Variants in HOXC4 observed in about 807,000 individuals in gnomAD.
HOXC4 encodes homeobox C4, also known as homeobox protein Hox-C4.
HOXC4 carries 15 observed loss-of-function variants against 25.5 expected under a neutral mutation model. The observed-to-expected ratio is 0.59, with a 90% confidence interval of 0.39 to 0.91. The LOEUF (loss-of-function observed/expected upper bound fraction) is 0.91, where lower values mean the gene tolerates loss of function less well. Ranked by LOEUF, HOXC4 falls within the 40% of genes least tolerant of loss-of-function variation. The pLI, the probability that HOXC4 is intolerant of heterozygous loss-of-function variation, is 0.00. For missense variants in HOXC4, 342 were observed against 352.4 expected, an observed-to-expected ratio of 0.97 and a Z score of 0.24; for synonymous variants, 165 against 148.0, an observed-to-expected ratio of 1.11 and a Z score of -0.83.
chr12:54,030,056 T>C (rs1160844379), intron 1 of HOXC4: 2 of 1,219,732 alleles, frequency 1.6e-6, no homozygotes, highest in African/African-American at 1.5e-5. Flanking sequence ...ACTGGCACAA[T>C]TGATGTGTTT....
At chr12:54,049,876 T>A (rs1475751155), upstream of HOXC4, among the ~76,000 whole-genome samples, 1 of 151,016 alleles carries the variant, frequency 6.6e-6, no homozygotes, top group Non-Finnish European at 1.5e-5. Context: ...CAAAGTGAAA[T>A]GAATTGCCTG....
intron 1 of HOXC4, among the ~76,000 whole-genome samples, chr12:54,041,894 C>T (rs982058708): frequency 6.6e-6 from 1 of 151,726 alleles, no homozygotes; most frequent in Non-Finnish European, 1.5e-5. Context: ...CCAGGCTGAC[C>T]TCAGGTAATC....
upstream of HOXC4, among the ~76,000 whole-genome samples, chr12:54,051,384 T>C (rs1458171553): frequency 6.6e-6 from 1 of 151,794 alleles, no homozygotes; most frequent in African/African-American, 2.4e-5. Flanking sequence ...TTTGCCCTCT[T>C]CCAGCAATTT....
At chr12:54,026,975 G>GT (rs1270257768) in intron 1 of HOXC4, among the ~76,000 whole-genome samples, 1 of 139,188 alleles carries the variant, frequency 7.2e-6, no homozygotes, top group Admixed American at 7.2e-5. Context: ...GGGGGGGGGG[G>GT]GATATGAGCT....
intron 1 of HOXC4, among the ~76,000 whole-genome samples, chr12:54,032,084 T>C (rs1295368242): frequency 1.3e-5 from 2 of 152,228 alleles, no homozygotes; most frequent in Admixed American, 6.5e-5. Context: ...ACCTCTGGCA[T>C]AGGTACCACA....
intron 1 of HOXC4, chr12:54,028,417 T>G (rs1940826895): frequency 7.9e-7 from 1 of 1,262,676 alleles, no homozygotes; most frequent in Admixed American, 2.4e-5. Flanking sequence ...TCATTTTGTC[T>G]GTCCTGGATT....
rs1177772375 is a variant in HOXC4 at position 54,054,972 on chromosome 12, G to A, written c.562G>A (p.Glu188Lys). Residue 188 changes from glutamate to lysine, a missense_variant, in exon 2 of 2, where the codon GAG becomes AAG. Transcript: ENST00000430889. The part of the protein sequence containing the change: ...NRYLTRRRRI[E>K]IAHSLCLSER... ...CTACCTGACCCGAAGGAGAAGGATC[G>A]AGATCGCCCACTCGCTGTGCCTCTC... is the stretch of plus-strand genomic sequence containing the variant. 1 of 1,613,948 alleles carries A rather than the reference G, an allele frequency of 6.2e-7. No individual in the cohort carries two copies. Among genetic ancestry groups the A allele is most frequent in the Non-Finnish European group, 8.5e-7 (1 of 1,180,026 alleles).
chr12:54,036,400 G>T (rs1016579608), intron 1 of HOXC4, among the ~76,000 whole-genome samples: 7 of 152,110 alleles, frequency 4.6e-5, no homozygotes, highest in African/African-American at 1.4e-4. Context: ...CTGGGGAGGG[G>T]CAGGGGAATA....
At chr12:54,025,815 A>G (rs1292544034) in intron 1 of HOXC4, among the ~76,000 whole-genome samples, 1 of 152,048 alleles carries the variant, frequency 6.6e-6, no homozygotes, top group African/African-American at 2.4e-5. Flanking sequence ...GAATCTCCCC[A>G]ACTTTGGGGC....
At chr12:54,033,917 G>T in intron 1 of HOXC4, 1 of 368,300 alleles carries the variant, frequency 2.7e-6, no homozygotes, top group South Asian at 2.1e-5. Flanking sequence ...AGCCGGCTCC[G>T]CCGGCGCTTG....
At chr12:54,035,680 G>A (rs570171412) in intron 1 of HOXC4, among the ~76,000 whole-genome samples, 17 of 152,164 alleles carry the variant, frequency 1.1e-4, no homozygotes, top group Non-Finnish European at 1.8e-4. Context: ...CCAAAGCTGC[G>A]GTGCAGGAAC....
intron 1 of HOXC4, chr12:54,034,265 G>T (rs1370060145): frequency 1.2e-6 from 2 of 1,610,918 alleles, no homozygotes; most frequent in African/African-American, 1.3e-5. Context: ...TTGGGGTGGG[G>T]TTTATGTTCC....
chr12:54,055,084 C>A lies in HOXC4; in HGVS notation c.674C>A (p.Ala225Glu), dbSNP rs751417748. The A allele has an allele frequency of 6.2e-6, 10 of 1,613,372 alleles. No individual in the cohort carries two copies. In the Admixed American group the frequency reaches 8.3e-5, roughly 13 times the overall value. Residue 225 changes from alanine to glutamate, a missense_variant, in exon 2 of 2, where the codon GCA (alanine) becomes GAA (glutamate). Coordinates refer to ENST00000430889, the MANE Select transcript of HOXC4 (RefSeq NM_153633.3). ...CTCCCCAACACCAAAGTCAGGTCAG[C>A]ACCCCCGGCCGGCGCTGCGCCCAGC... ...HRLPNTKVRS[A>E]PPAGAAPSTL...
chr12:54,052,159 G>GA (rs376061682), upstream of HOXC4, among the ~76,000 whole-genome samples: 213 of 151,868 alleles, frequency 1.4e-3, no homozygotes, highest in Admixed American at 4.1e-3. Context: ...AAATCAGAGG[G>GA]AAAAAAAATC....
At chr12:54,040,946 T>G (rs534029628) in intron 1 of HOXC4, among the ~76,000 whole-genome samples, 4 of 152,366 alleles carry the variant, frequency 2.6e-5, no homozygotes, top group South Asian at 4.1e-4. Context: ...AGTTAAGGGT[T>G]CTGGAAAGGA....
At chr12:54,054,428 GC>G (rs1937924843) in intron 1 of HOXC4, 67 bp downstream of exon 1, 2 of 979,960 alleles carry the variant, frequency 2.0e-6, no homozygotes, top group Admixed American at 3.3e-5. Context: ...ACCCTCCTCG[GC>G]CCCCTCTGGC....
At chr12:54,034,414 A>G (rs1387601776) in intron 1 of HOXC4, 11 of 1,614,146 alleles carry the variant, frequency 6.8e-6, no homozygotes, top group Non-Finnish European at 9.3e-6. Flanking sequence ...TCAATGAGAG[A>G]CAGATCAAGA....
At chr12:54,017,587 G>T (rs1940211947) in intron 1 of HOXC4, among the ~76,000 whole-genome samples, 1 of 151,846 alleles carries the variant, frequency 6.6e-6, no homozygotes, top group Non-Finnish European at 1.5e-5. Context: ...GGTTAAACTG[G>T]AATACCGGTA....
intron 1 of HOXC4, among the ~76,000 whole-genome samples, chr12:54,037,466 C>T (rs370519351): frequency 6.2e-4 from 95 of 152,176 alleles, no homozygotes; most frequent in Admixed American, 8.5e-4. Flanking sequence ...CTTACCTTCC[C>T]GGGGGAGTGG....
Sources: allele counts gnomAD v4.1 joint callset (sites outside exome capture counted in the v4.1 genomes callset), GRCh38; gene constraint gnomAD v4.1.1; transcripts MANE v1.5; gene names NCBI Gene and HGNC (gene_info 2026-07-23, HGNC 2026-07-21).